Variants in LRPAP1 observed in about 807,000 individuals in gnomAD.
The protein encoded by LRPAP1 is alpha-2-macroglobulin receptor-associated protein.
Under a neutral mutation model 39.9 loss-of-function variants are expected in LRPAP1, and 41 were observed. The observed-to-expected ratio is 1.03, with a 90% CI of 0.80 to 1.33. The LOEUF (loss-of-function observed/expected upper bound fraction) is 1.33, where lower values mean the gene tolerates loss of function less well. Among genes scored for constraint, LRPAP1 ranks in the 40% most tolerant of loss-of-function variants. The pLI, the probability that LRPAP1 is intolerant of heterozygous loss-of-function variation, is 0.00. For missense variants in LRPAP1, 565 were observed against 482.3 expected, an observed-to-expected ratio of 1.17 and a Z score of -1.61; for synonymous variants, 263 against 212.7, an observed-to-expected ratio of 1.24 and a Z score of -2.06.
At position 3,514,947 on chromosome 4, in the gene LRPAP1, A is replaced by T. The variant is rs757662395; in HGVS notation, c.835-19T>A. ...GCTCCTCCTGGAACAAGGTTTCCAT[A>T]GGTGAGTGTTCCCTTCCCGTGCTCG... On this transcript the variant is annotated intron_variant, in intron 6 of 7. Transcript: ENST00000650182. The T allele has an allele frequency of 6.2e-7, 1 of 1,611,730 alleles. No homozygotes were observed. Among genetic ancestry groups the T allele is most frequent in the East Asian group, 2.2e-5 (1 of 44,786 alleles).
chr4:3,528,750 C>T (rs1299686478), intron 1 of LRPAP1, among the ~76,000 whole-genome samples: 1 of 152,186 alleles, frequency 6.6e-6, no homozygotes, highest in African/African-American at 2.4e-5. Flanking sequence ...AGCCACTGTG[C>T]CCCAGCTCCT....
rs1031687965 is a variant in LRPAP1 at position 3,504,990 on chromosome 4, A to G, written c.*7984T>C. ...AAAGAACAGAAGACAACATGACCCCACAAGTGAACCAGAGGGAAAGACAGG... is the reference window on the plus strand; with the variant it reads ...AAAGAACAGAAGACAACATGACCCCGCAAGTGAACCAGAGGGAAAGACAGG... On this transcript the variant is annotated 3_prime_UTR_variant, in exon 8 of 8. Transcript: ENST00000650182. Among the ~76,000 whole-genome samples the G allele has an allele frequency of 6.6e-6, 1 of 152,270 alleles. No individual in the cohort carries two copies. Among genetic ancestry groups the G allele is most frequent in the African/African-American group, 2.4e-5 (1 of 41,552 alleles).
At position 3,507,691 on chromosome 4, in the gene LRPAP1, C is replaced by T. The variant is rs144821798; in HGVS notation, c.*5283G>A. 1 of 148,652 alleles carries T rather than the reference C, an allele frequency of 6.7e-6. No individual in the cohort carries two copies. The highest frequency in any genetic ancestry group is 1.5e-5 in the Non-Finnish European group (1 of 67,206). 9.2% of individuals were successfully genotyped at this position (148,652 alleles called of 1,614,324 possible). A position where few individuals can be genotyped will look rare whatever the true frequency, so the allele number is the denominator to read the frequency against. The stretch of plus-strand genomic sequence containing the variant: ...TAAAACAAGGACAGCAAATTGAACA[C>T]AAAATAGGTAGAAGAAAGGAAATTC... On this transcript the variant is annotated 3_prime_UTR_variant, in exon 8 of 8. Coordinates refer to ENST00000650182, the MANE Select transcript of LRPAP1 (RefSeq NM_002337.4).
chr4:3,521,785 T>C (rs1729917592), intron 2 of LRPAP1, among the ~76,000 whole-genome samples: 1 of 152,194 alleles, frequency 6.6e-6, no homozygotes, highest in Admixed American at 6.5e-5. Flanking sequence ...AGATGCATGC[T>C]TCAAAGCTCA....
chr4:3,514,723 G>A, intron 7 of LRPAP1, 29 bp downstream of exon 7: 1 of 1,572,066 alleles, frequency 6.4e-7, no homozygotes, highest in Non-Finnish European at 8.6e-7. Flanking sequence ...GGGAACTGTG[G>A]CCTCCCCGGT....
intron 7 of LRPAP1, among the ~76,000 whole-genome samples, chr4:3,513,656 C>T (rs1353124836): frequency 6.6e-6 from 1 of 152,184 alleles, no homozygotes; most frequent in Non-Finnish European, 1.5e-5. Context: ...TGGGACAGAG[C>T]TCTGGGAAAG....
At chr4:3,513,980 C>A (rs1049537870) in intron 7 of LRPAP1, among the ~76,000 whole-genome samples, 10 of 152,260 alleles carry the variant, frequency 6.6e-5, no homozygotes, top group Non-Finnish European at 1.3e-4. Flanking sequence ...TTAACCAACA[C>A]CGAGCTTTGC....
At chr4:3,520,655 C>T (rs1293154207) in intron 2 of LRPAP1, among the ~76,000 whole-genome samples, 1 of 152,272 alleles carries the variant, frequency 6.6e-6, no homozygotes, top group Admixed American at 6.5e-5. Flanking sequence ...CAGAGGCCAC[C>T]TGCAGACTGT....
In LRPAP1 at chr4:3,508,683, G is replaced by A. The variant is rs953490901; in HGVS notation, c.*4291C>T. 5.3e-5 allele frequency: 8 copies of A among 152,216 alleles called. No homozygotes were observed. Among genetic ancestry groups the A allele is most frequent in the African/African-American group, 1.2e-4 (5 of 41,514 alleles). 9.4% of individuals were successfully genotyped at this position (152,216 alleles called of 1,614,324 possible). A position where few individuals can be genotyped will look rare whatever the true frequency, so the allele number is the denominator to read the frequency against. On this transcript the variant is annotated 3_prime_UTR_variant, in exon 8 of 8. Coordinates refer to ENST00000650182, the MANE Select transcript of LRPAP1 (RefSeq NM_002337.4). ...TCAGCGTAATTCACTACAGTAATGCGGTAAGGAAGTGACCTCATGAGCATC... is the reference window on the plus strand; with the variant it reads ...TCAGCGTAATTCACTACAGTAATGCAGTAAGGAAGTGACCTCATGAGCATC...
Position 3,511,841 on chromosome 4 carries a change from C to A in LRPAP1, c.*1133G>T, listed in dbSNP as rs533064169. The A allele has an allele frequency of 3.5e-5, 5 of 142,156 alleles. No homozygotes were observed. In the South Asian group the frequency reaches 1.2e-3, roughly 33 times the overall value. The allele number at this position is 142,156 out of a possible 1,614,324, so 8.8% of individuals were successfully genotyped here. A position where few individuals can be genotyped will look rare whatever the true frequency, so the allele number is the denominator to read the frequency against. ...CTCAGACACGGGAAGGGAACCACGC[C>A]CAGAGCCGGACCCGAGCCTCTTCCA... On this transcript the variant is annotated 3_prime_UTR_variant, in exon 8 of 8. Transcript: ENST00000650182.
chr4:3,526,244 A>G (rs917926726), intron 1 of LRPAP1, among the ~76,000 whole-genome samples: 2 of 152,034 alleles, frequency 1.3e-5, no homozygotes, highest in Admixed American at 6.5e-5. Context: ...GAGCACCTGC[A>G]TTCTCACATT....
rs79242897 is a variant in LRPAP1, at chr4:3,525,121, C to T, written c.205-70G>A. The T allele has an allele frequency of 5.5e-4, 875 of 1,585,528 alleles. 8 individuals are homozygous for T. The East Asian group carries it at 0.016, about 29-fold the overall frequency. On this transcript the variant is annotated intron_variant, in intron 1 of 7. Coordinates refer to ENST00000650182, the MANE Select transcript of LRPAP1 (RefSeq NM_002337.4). ...CCAGGACACAGCGAGAAACTGACCTCGGAGGAGGCTGGCCACCGGGAGGTT... is the reference window on the plus strand; with the variant it reads ...CCAGGACACAGCGAGAAACTGACCTTGGAGGAGGCTGGCCACCGGGAGGTT...
At position 3,508,163 on chromosome 4, in the gene LRPAP1, A is replaced by C. The variant is rs1729404683; in HGVS notation, c.*4811T>G. ...TGGGATTACAGGCATGCACCACCAC[A>C]CCCTGCTAATTTTTATATTTTTAAT... is the stretch of plus-strand genomic sequence containing the variant. On this transcript the variant is annotated 3_prime_UTR_variant, in exon 8 of 8. Coordinates refer to ENST00000650182, the MANE Select transcript of LRPAP1 (RefSeq NM_002337.4). 1 of 151,904 alleles carries C rather than the reference A, an allele frequency of 6.6e-6. No homozygotes were observed. The highest frequency in any genetic ancestry group is 2.4e-5 in the African/African-American group (1 of 41,330). 9.4% of individuals were successfully genotyped at this position (151,904 alleles called of 1,614,324 possible). A position where few individuals can be genotyped will look rare whatever the true frequency, so the allele number is the denominator to read the frequency against.
At chr4:3,521,688 G>C (rs2108692430) in intron 2 of LRPAP1, among the ~76,000 whole-genome samples, 1 of 152,330 alleles carries the variant, frequency 6.6e-6, no homozygotes, top group South Asian at 2.1e-4. Flanking sequence ...TCCTAAGCGT[G>C]AAAAACCAGC....
chr4:3,530,148 C>T (rs1730205477), intron 1 of LRPAP1, among the ~76,000 whole-genome samples: 1 of 152,216 alleles, frequency 6.6e-6, no homozygotes, highest in South Asian at 2.1e-4. Context: ...CTGACTGTGG[C>T]TCCTCCTGCC....
At chr4:3,524,869 G>A in intron 2 of LRPAP1, 38 bp downstream of exon 2, 1 of 1,606,118 alleles carries the variant, frequency 6.2e-7, no homozygotes, top group Non-Finnish European at 8.5e-7. Context: ...TTTAGGAAGA[G>A]GGATACTCGA....
intron 3 of LRPAP1, among the ~76,000 whole-genome samples, chr4:3,519,852 A>G (rs954202624): frequency 6.6e-6 from 1 of 152,252 alleles, no homozygotes; most frequent in African/African-American, 2.4e-5. Context: ...AAGGCCAAAC[A>G]GAGCTCCTTT....
intron 7 of LRPAP1, 129 bp from the exon 8 acceptor site, chr4:3,513,165 A>C (rs530085362): frequency 6.7e-5 from 44 of 658,352 alleles, no homozygotes; most frequent in African/African-American, 6.5e-4. Flanking sequence ...TGACTTTCCA[A>C]TTCCACACCC....
chr4:3,532,299 C>T lies in LRPAP1; in HGVS notation c.114G>A (p.Glu38=). The T allele has an allele frequency of 6.4e-7, 1 of 1,571,712 alleles. No homozygotes were observed. Among genetic ancestry groups the T allele is most frequent in the Non-Finnish European group, 8.6e-7 (1 of 1,157,996 alleles). The change falls in exon 1 of 8, where the codon GAG becomes GAA. Residue 38 remains glutamate (E), a synonymous_variant. Coordinates refer to ENST00000650182, the MANE Select transcript of LRPAP1 (RefSeq NM_002337.4). ...AASHGGKYSR[E]KNQPKPSPKR... ...TCGGGGACGGCTTGGGCTGGTTCTT[C>T]TCCCGCGAGTACTTGCCGCCGTGGC... is the stretch of plus-strand genomic sequence containing the variant.
Sources: gnomAD v4.1 joint callset for allele counts (sites outside exome capture counted in the v4.1 genomes callset) on GRCh38, gnomAD v4.1.1 for gene constraint, MANE v1.5 for transcripts, NCBI Gene and HGNC (gene_info 2026-07-23, HGNC 2026-07-21) for gene names.